Variants in HCRTR2 observed in about 807,000 individuals in gnomAD.
HCRTR2 encodes the protein orexin receptor type 2.
Under a neutral mutation model 49.0 loss-of-function variants are expected in HCRTR2, and 22 were observed. The ratio of observed to expected loss-of-function variants is 0.45; its 90% CI spans 0.32 to 0.64. The LOEUF is 0.64. HCRTR2 is among the 30% of genes least tolerant of loss of function. The pLI, the probability that HCRTR2 is intolerant of heterozygous loss-of-function variation, is 0.04. For synonymous variants in HCRTR2, 236 were observed against 205.3 expected (o/e 1.15, Z -1.28); for missense variants, 491 against 559.4 (o/e 0.88, Z 1.23).
chr6:55,129,119 C>T (rs9396047), intron 1 of HCRTR2, among the ~76,000 whole-genome samples: 3,032 of 152,182 alleles, frequency 0.02, 40 homozygotes, highest in East Asian at 0.056. Context: ...TGACATGATG[C>T]TTTGTTTATG....
intron 1 of HCRTR2, among the ~76,000 whole-genome samples, chr6:55,108,813 G>A (rs889290493): frequency 6.6e-6 from 1 of 152,048 alleles, no homozygotes; most frequent in African/African-American, 2.4e-5. Flanking sequence ...ATTTTCCAGG[G>A]CAGAACTGGG....
intron 1 of HCRTR2, among the ~76,000 whole-genome samples, chr6:55,139,540 T>G (rs1315627623): frequency 1.3e-5 from 2 of 152,164 alleles, no homozygotes; most frequent in East Asian, 3.8e-4. Flanking sequence ...CTTGAGAGAG[T>G]TGATAAATTC....
intron 1 of HCRTR2, among the ~76,000 whole-genome samples, chr6:55,120,792 G>A (rs191958262): frequency 2.0e-5 from 3 of 151,930 alleles, no homozygotes; most frequent in African/African-American, 7.2e-5. Flanking sequence ...ATACTATGTT[G>A]AATAGGAGTG....
At chr6:55,277,683 C>A in intron 5 of HCRTR2, 83 bp downstream of exon 5, 2 of 988,128 alleles carry the variant, frequency 2.0e-6, no homozygotes, top group Admixed American at 2.2e-5. Flanking sequence ...TTTAACTAAG[C>A]CAGAGAAAAA....
chr6:55,203,356 G>T (rs1765544203), intron 1 of HCRTR2, among the ~76,000 whole-genome samples: 1 of 152,064 alleles, frequency 6.6e-6, no homozygotes, highest in Non-Finnish European at 1.5e-5. Flanking sequence ...ACCATAGCTT[G>T]GGGTTTTAGT....
intron 1 of HCRTR2, among the ~76,000 whole-genome samples, chr6:55,161,581 A>G (rs1339873384): frequency 6.6e-6 from 1 of 152,036 alleles, no homozygotes; most frequent in Admixed American, 6.6e-5. Context: ...TAGATAGATC[A>G]CTAGCCAGAC....
intron 1 of HCRTR2, among the ~76,000 whole-genome samples, chr6:55,220,505 C>T (rs1197139851): frequency 6.6e-6 from 1 of 152,028 alleles, no homozygotes; most frequent in Non-Finnish European, 1.5e-5. Context: ...AAGTTTAATA[C>T]CCTTTCGTAA....
chr6:55,125,114 T>A (rs561925773), intron 1 of HCRTR2, among the ~76,000 whole-genome samples: 179 of 152,250 alleles, frequency 1.2e-3, no homozygotes, highest in Non-Finnish European at 1.5e-3. Context: ...CAATTTACAT[T>A]TAAGGTTAAT....
Position 55,231,343 on chromosome 6 carries a change from T to C in HCRTR2, c.224-17296T>C, listed in dbSNP as rs539793814. ...AATTAAACATGTGAAGGGAGACTAA[T>C]ACTCTCTTTTAAGAGAAGTAAGAAT... On this transcript the variant is annotated intron_variant, in intron 1 of 6. Transcript: ENST00000370862. Among the ~76,000 whole-genome samples, 9 of 152,282 alleles carry C rather than the reference T, an allele frequency of 5.9e-5. No individual in the cohort carries two copies. In the South Asian group the frequency reaches 6.2e-4, roughly 11 times the overall value.
At chr6:55,132,751 CTTT>C (rs35184458) in intron 1 of HCRTR2, among the ~76,000 whole-genome samples, 68 of 139,830 alleles carry the variant, frequency 4.9e-4, no homozygotes, top group African/African-American at 7.8e-4. Context: ...CTCTCTCTCT[CTTT>C]TTTTTTTTTT....
intron 1 of HCRTR2, among the ~76,000 whole-genome samples, chr6:55,118,948 C>T (rs1207124676): frequency 6.6e-6 from 1 of 151,822 alleles, no homozygotes; most frequent in Non-Finnish European, 1.5e-5. Flanking sequence ...TCCCCCAACC[C>T]CCTAACAGGC....
intron 2 of HCRTR2, among the ~76,000 whole-genome samples, chr6:55,250,105 T>G (rs1766519886): frequency 6.6e-6 from 1 of 152,110 alleles, no homozygotes; most frequent in African/African-American, 2.4e-5. Flanking sequence ...GGTTAAACAT[T>G]GTTTATAGAA....
At chr6:55,224,964 T>C (rs1028258411) in intron 1 of HCRTR2, among the ~76,000 whole-genome samples, 2 of 152,188 alleles carry the variant, frequency 1.3e-5, no homozygotes, top group African/African-American at 2.4e-5. Flanking sequence ...TTAGTAACAA[T>C]ATTTTGTATC....
exon 1 of HCRTR2, chr6:55,106,506 G>A (rs1281318478): frequency 6.6e-6 from 1 of 152,006 alleles, no homozygotes; most frequent in Non-Finnish European, 1.5e-5. Flanking sequence ...ATATATTGAA[G>A]TGAGTTATTT....
intron 1 of HCRTR2, among the ~76,000 whole-genome samples, chr6:55,185,898 G>A (rs183790541): frequency 1.4e-4 from 21 of 152,212 alleles, no homozygotes; most frequent in East Asian, 3.9e-4. Context: ...CAATATATGC[G>A]TGCTCTAGAG....
chr6:55,248,255 A>G (rs554062492), intron 1 of HCRTR2, among the ~76,000 whole-genome samples: 38 of 152,260 alleles, frequency 2.5e-4, no homozygotes, highest in Non-Finnish European at 4.4e-5. Flanking sequence ...GGCAAACACT[A>G]CAATTCAATA....
intron 1 of HCRTR2, among the ~76,000 whole-genome samples, chr6:55,138,815 A>T (rs1300958817): frequency 6.6e-6 from 1 of 152,216 alleles, no homozygotes; most frequent in Non-Finnish European, 1.5e-5. Flanking sequence ...CTTTCCTCTC[A>T]ACTATATATG....
Position 55,245,383 on chromosome 6 carries a change from ATATG to A in HCRTR2, c.224-3252_224-3249del, listed in dbSNP as rs1300287142. Reference sequence around the variant, plus strand: ...CCGATGTGTGTGTGTATATATATATATATGTATATATATATACACACACACACAC... The same window carrying A: ...CCGATGTGTGTGTGTATATATATATATATATATATATACACACACACACAC... On this transcript the variant is annotated intron_variant, in intron 1 of 6. Transcript: ENST00000370862. Among the ~76,000 whole-genome samples the A allele has an allele frequency of 2.8e-5, 4 of 143,946 alleles. No individual in the cohort carries two copies. The East Asian group carries it at 6.0e-4, about 22-fold the overall frequency. 94.4% of individuals were successfully genotyped at this position (143,946 alleles called of 152,430 possible). A position where few individuals can be genotyped will look rare whatever the true frequency, so the allele number is the denominator to read the frequency against.
intron 1 of HCRTR2, among the ~76,000 whole-genome samples, chr6:55,147,397 A>G (rs1343980905): frequency 6.6e-6 from 1 of 152,180 alleles, no homozygotes; most frequent in Non-Finnish European, 1.5e-5. Context: ...GCACAGACAT[A>G]TGCATACACA....
Sources: allele counts gnomAD v4.1 joint callset (sites outside exome capture counted in the v4.1 genomes callset), GRCh38; gene constraint gnomAD v4.1.1; transcripts MANE v1.5; gene names NCBI Gene and HGNC (gene_info 2026-07-23, HGNC 2026-07-21).